KCMF1: variants seen among roughly 807,000 people sequenced by gnomAD.
KCMF1 encodes the protein potassium channel modulatory factor 1.
In KCMF1, 3 loss-of-function variants were observed where a neutral mutation model predicts 41.1. The ratio of observed to expected loss-of-function variants is 0.07; its 90% CI spans 0.03 to 0.19. The LOEUF is 0.19. Ranked by LOEUF, KCMF1 falls within the 10% of genes least tolerant of loss-of-function variation. The probability of loss-of-function intolerance (pLI) is 1.00; values close to 1 mark genes in which losing one functional copy is unlikely to be tolerated. For missense variants in KCMF1, 286 were observed against 488.9 expected (o/e 0.58, Z 3.91); for synonymous variants, 142 against 164.5 (o/e 0.86, Z 1.04).
At chr2:84,994,284 T>C (rs1674122265) in intron 1 of KCMF1, among the ~76,000 whole-genome samples, 1 of 152,124 alleles carries the variant, frequency 6.6e-6, no homozygotes, top group Admixed American at 6.6e-5. Flanking sequence ...CAGACCTGCA[T>C]ATCCTTTTAC....
intron 1 of KCMF1, among the ~76,000 whole-genome samples, chr2:85,014,449 G>C (rs1426389705): frequency 6.6e-6 from 1 of 152,082 alleles, no homozygotes. Flanking sequence ...AAATTACTTA[G>C]TGCCTGTGTG....
chr2:84,971,540 G>T, intron 1 of KCMF1, 73 bp downstream of exon 1: 1 of 886,338 alleles, frequency 1.1e-6, no homozygotes, highest in Non-Finnish European at 1.4e-6. Flanking sequence ...GCGCGGCGGA[G>T]GGCGGCCGGG....
intron 2 of KCMF1, 56 bp downstream of exon 2, chr2:85,028,112 G>A: frequency 1.7e-6 from 2 of 1,165,706 alleles, no homozygotes; most frequent in Non-Finnish European, 2.5e-6. Flanking sequence ...GTACGTTGAA[G>A]AAGTAAAGGC....
At chr2:85,000,584 A>G (rs1674303063) in intron 1 of KCMF1, among the ~76,000 whole-genome samples, 1 of 152,156 alleles carries the variant, frequency 6.6e-6, no homozygotes, top group Admixed American at 6.5e-5. Context: ...TGTACTGGAA[A>G]GTCAGCTACA....
At chr2:85,041,374 T>C (rs1675530145) in intron 3 of KCMF1, among the ~76,000 whole-genome samples, 2 of 152,216 alleles carry the variant, frequency 1.3e-5, no homozygotes, top group Non-Finnish European at 1.5e-5. Flanking sequence ...ATCTATCTTA[T>C]TAGGACATTC....
At chr2:85,043,435 G>A (rs999628460) in intron 3 of KCMF1, 129 bp from the exon 4 acceptor site, 2 of 670,590 alleles carry the variant, frequency 3.0e-6, no homozygotes, top group Non-Finnish European at 5.4e-6. Flanking sequence ...GCTTTTCACT[G>A]ATTTAGGATC....
At chr2:85,045,932 T>C in intron 4 of KCMF1, among the ~76,000 whole-genome samples, 172 bp from the exon 5 acceptor site, 1 of 152,196 alleles carries the variant, frequency 6.6e-6, no homozygotes, top group Non-Finnish European at 1.5e-5. Context: ...TGAGTGTCTT[T>C]TTAGGGTTAA....
intron 1 of KCMF1, among the ~76,000 whole-genome samples, chr2:84,975,715 T>C (rs1649048742): frequency 6.6e-6 from 1 of 152,234 alleles, no homozygotes. Flanking sequence ...TTTATCTTGA[T>C]GTATTTTTTA....
rs2104076398 is a variant in KCMF1 at position 85,055,901 on chromosome 2, G to A, written c.*2492G>A. On this transcript the variant is annotated 3_prime_UTR_variant, in exon 7 of 7. Transcript: ENST00000409785. ...TGTTTCGTTGAGTTTTGAGTGTCTA[G>A]GATATAAGTTTATAAATGTTCTACA... 6.6e-6 allele frequency: 1 copy of A among 152,238 alleles called. No individual in the cohort carries two copies. Among genetic ancestry groups the A allele is most frequent in the South Asian group, 2.1e-4 (1 of 4,818 alleles). 9.4% of individuals were successfully genotyped at this position (152,238 alleles called of 1,614,324 possible). A position where few individuals can be genotyped will look rare whatever the true frequency, so the allele number is the denominator to read the frequency against.
rs928041476 is a variant in KCMF1 at position 85,017,169 on chromosome 2, C to G, written c.17-10720C>G. ...CCTCCCGAGTAGCTGGGACTACAGG[C>G]GCCCGCCACTGCGCCCGGCTAATTT... On this transcript the variant is annotated intron_variant, in intron 1 of 6. Transcript: ENST00000409785. Among the ~76,000 whole-genome samples the G allele has an allele frequency of 2.0e-5, 3 of 151,808 alleles. No individual in the cohort carries two copies. In the East Asian group the frequency reaches 5.8e-4, roughly 29 times the overall value.
chr2:85,038,572 C>T (rs78082517), intron 3 of KCMF1, among the ~76,000 whole-genome samples: 5,452 of 152,270 alleles, frequency 0.036, 109 homozygotes, highest in African/African-American at 0.048. Context: ...TTGGCCGTGG[C>T]ATTTAGTTAA....
chr2:84,972,733 C>G (rs929584632), intron 1 of KCMF1, among the ~76,000 whole-genome samples: 2 of 152,180 alleles, frequency 1.3e-5, no homozygotes, highest in Non-Finnish European at 2.9e-5. Flanking sequence ...GTATTTAGAA[C>G]AAGTTTCAAA....
Position 85,058,114 on chromosome 2 carries a change from G to T in KCMF1, c.*4705G>T. 6.5e-6 allele frequency: 1 copy of T among 152,744 alleles called. No individual in the cohort carries two copies. The highest frequency in any genetic ancestry group is 2.4e-5 in the African/African-American group (1 of 41,546). The allele number at this position is 152,744 out of a possible 1,614,324, so 9.5% of individuals were successfully genotyped here. On this transcript the variant is annotated 3_prime_UTR_variant, in exon 7 of 7. Coordinates refer to ENST00000409785, the MANE Select transcript of KCMF1 (RefSeq NM_020122.5). Reference sequence around the variant, plus strand: ...TTTGAAAACCCATGTGGGGCCGGGTGTGGTGGCTCACGCCTGTAATCCCAG... The same window carrying T: ...TTTGAAAACCCATGTGGGGCCGGGTTTGGTGGCTCACGCCTGTAATCCCAG...
intron 1 of KCMF1, among the ~76,000 whole-genome samples, chr2:85,026,498 T>G (rs867239949): frequency 2.4e-5 from 3 of 125,532 alleles, no homozygotes; most frequent in Non-Finnish European, 1.8e-5. Flanking sequence ...TATTATTATT[T>G]TTATTTTTTC....
intron 5 of KCMF1, among the ~76,000 whole-genome samples, chr2:85,046,512 C>T (rs1157806406): frequency 6.6e-6 from 1 of 151,836 alleles, no homozygotes; most frequent in East Asian, 1.9e-4. Context: ...TGCCTGTAAT[C>T]GCAGCTACTC....
At chr2:84,975,738 A>G (rs1044026537) in intron 1 of KCMF1, among the ~76,000 whole-genome samples, 13 of 152,238 alleles carry the variant, frequency 8.5e-5, no homozygotes, top group African/African-American at 2.9e-4. Flanking sequence ...ATGTCTCACT[A>G]TCATACTTTC....
intron 5 of KCMF1, 99 bp from the exon 6 acceptor site, chr2:85,049,267 C>T: frequency 7.9e-7 from 1 of 1,259,748 alleles, no homozygotes. Context: ...CCTACCTGTT[C>T]ACAATGCTTT....
rs1351217972 is a variant in KCMF1, at chr2:84,998,952, ATCTATCTATCTATCTG to A, written c.16+27489_16+27504del. ...TATCTATCTATCTATCTATCTATCT[ATCTATCTATCTATCTG>A]TCTGTCTGTCTATCTACCTACCTAT... is the stretch of plus-strand genomic sequence containing the variant. On this transcript the variant is annotated intron_variant, in intron 1 of 6. Coordinates refer to ENST00000409785, the MANE Select transcript of KCMF1 (RefSeq NM_020122.5). Among the ~76,000 whole-genome samples the A allele has an allele frequency of 3.4e-3, 359 of 104,308 alleles. 1 individual carries two copies. Among genetic ancestry groups the A allele is most frequent in the South Asian group, 0.019 (50 of 2,652 alleles). The allele number at this position is 104,308 out of a possible 152,430, so 68.4% of individuals were successfully genotyped here.
intron 1 of KCMF1, among the ~76,000 whole-genome samples, chr2:85,002,796 C>T (rs147234927): frequency 2.6e-5 from 4 of 152,206 alleles, no homozygotes; most frequent in Non-Finnish European, 5.9e-5. Flanking sequence ...TTTTGCTGAA[C>T]AGCCCATTTT....
Sources: gnomAD v4.1 joint callset for allele counts (sites outside exome capture counted in the v4.1 genomes callset) on GRCh38, gnomAD v4.1.1 for gene constraint, MANE v1.5 for transcripts, NCBI Gene and HGNC (gene_info 2026-07-23, HGNC 2026-07-21) for gene names.